The following MAP3K2 variants were observed in gnomAD, a reference collection of about 807,000 sequenced individuals.
MAP3K2 encodes MAP/ERK kinase kinase 2.
Under a neutral mutation model 80.3 loss-of-function variants are expected in MAP3K2, and 24 were observed. That is an observed-to-expected ratio of 0.30 (90% CI 0.22 to 0.42). The LOEUF is 0.42. MAP3K2 is among the 10% of genes least tolerant of loss of function. The pLI, the probability that MAP3K2 is intolerant of heterozygous loss-of-function variation, is 1.00. For missense variants in MAP3K2, 608 were observed against 750.1 expected (o/e 0.81, Z 2.21); for synonymous variants, 244 against 253.7 (o/e 0.96, Z 0.36).
chr2:127,318,458 A>T, intron 12 of MAP3K2, 141 bp from the exon 13 acceptor site: 1 of 572,548 alleles, frequency 1.7e-6, no homozygotes, highest in Non-Finnish European at 2.6e-6. Flanking sequence ...ATCCAAATTC[A>T]CAGTTACCGT....
At chr2:127,349,600 C>T (rs62157555) in intron 1 of MAP3K2, among the ~76,000 whole-genome samples, 53,523 of 151,992 alleles carry the variant, frequency 0.35, 10,242 homozygotes, top group East Asian at 0.62. Context: ...CTAGTCTAAA[C>T]ATCTTATTTT....
At chr2:127,352,489 C>G (rs1686708685) in intron 1 of MAP3K2, among the ~76,000 whole-genome samples, 1 of 152,124 alleles carries the variant, frequency 6.6e-6, no homozygotes. Flanking sequence ...TCTTGCACTA[C>G]TACTCTTTTC....
intron 1 of MAP3K2, among the ~76,000 whole-genome samples, chr2:127,365,043 G>GGAGGCAGAGGTTGCAAT (rs58235016): frequency 0.12 from 16,799 of 140,486 alleles, 1,174 homozygotes; most frequent in African/African-American, 0.2. Context: ...TTTGAGCCCA[G>GGAGGCAGAGGTTGCAAT]GAGGCAGAGG....
At chr2:127,342,808 T>C (rs1000492526) in intron 2 of MAP3K2, among the ~76,000 whole-genome samples, 1 of 152,188 alleles carries the variant, frequency 6.6e-6, no homozygotes, top group Non-Finnish European at 1.5e-5. Context: ...GCACCAATGA[T>C]TTGCTGCTCT....
chr2:127,311,886 CT>C (rs1310387733), intron 15 of MAP3K2, among the ~76,000 whole-genome samples: 7 of 152,090 alleles, frequency 4.6e-5, no homozygotes, highest in Non-Finnish European at 1.0e-4. Flanking sequence ...CTCCAATCTC[CT>C]TTTCTTTTTT....
At position 127,335,938 on chromosome 2, in the gene MAP3K2, C is replaced by G; in HGVS notation, c.196G>C (p.Glu66Gln). 6.4e-7 allele frequency: 1 copy of G among 1,570,868 alleles called. No homozygotes were observed. The highest frequency in any genetic ancestry group is 8.7e-7 in the Non-Finnish European group (1 of 1,154,700). The change falls in exon 5 of 17, where the codon GAA (glutamate) becomes CAA (glutamine). Residue 66 changes from glutamate to glutamine, a missense_variant. Transcript: ENST00000682094. ...ATTTTAGCTTTAGATCTCAGATCTT[C>G]CAGTTTAACTGGTCTGGGGAACTGA... The part of the protein sequence containing the change: ...ILQFPRPVKL[E>Q]DLRSKAKIAF...
At chr2:127,334,973 T>G (rs1686336673) in intron 5 of MAP3K2, among the ~76,000 whole-genome samples, 1 of 152,070 alleles carries the variant, frequency 6.6e-6, no homozygotes, top group Non-Finnish European at 1.5e-5. Context: ...GTTTTACCAC[T>G]TGGCCAGAAT....
chr2:127,347,727 G>A (rs1283064751), intron 1 of MAP3K2, among the ~76,000 whole-genome samples: 2 of 152,034 alleles, frequency 1.3e-5, no homozygotes, highest in African/African-American at 4.8e-5. Flanking sequence ...TAGCAGAAAC[G>A]GAAAACTGAT....
intron 1 of MAP3K2, among the ~76,000 whole-genome samples, chr2:127,380,520 A>G (rs892880469): frequency 6.6e-6 from 1 of 152,210 alleles, no homozygotes; most frequent in Non-Finnish European, 1.5e-5. Context: ...ACCACTTGTA[A>G]GAAAACCAGT....
In MAP3K2 at chr2:127,364,335, G is replaced by A. The variant is rs938769905; in HGVS notation, c.-65-21141C>T. On this transcript the variant is annotated intron_variant, in intron 1 of 16. Transcript: ENST00000682094. This position sits in a 1 kb window ranked among gnomAD's most constrained non-coding sequence, Gnocchi z 4.1. The stretch of plus-strand genomic sequence containing the variant: ...GTCAATAGGTTCTGAGTTATACTAC[G>A]AAGTGTTCCATATGCCTTATTGATA... Among the ~76,000 whole-genome samples, 1 of 152,266 alleles carries A rather than the reference G, an allele frequency of 6.6e-6. No homozygotes were observed. The highest frequency in any genetic ancestry group is 2.1e-4 in the South Asian group (1 of 4,824).
In MAP3K2 at chr2:127,321,664, GC is replaced by G. The variant is rs2104820846; in HGVS notation, c.1045+381del. Among the ~76,000 whole-genome samples, 1 of 152,212 alleles carries G rather than the reference GC, an allele frequency of 6.6e-6. No homozygotes were observed. Among genetic ancestry groups the G allele is most frequent in the Admixed American group, 6.5e-5 (1 of 15,294 alleles). On this transcript the variant is annotated intron_variant, in intron 12 of 16. Coordinates refer to ENST00000682094, the MANE Select transcript of MAP3K2 (RefSeq NM_001371910.2). The surrounding 1 kb of genome is among the most constrained non-coding windows in gnomAD (Gnocchi z 4.4). ...TGGCCTCTTGCACATTATCTCCTCA[GC>G]TGGTGATTTCTACTCACATTTAAAT...
Position 127,355,658 on chromosome 2 carries a change from G to A in MAP3K2, c.-65-12464C>T, listed in dbSNP as rs1285274259. Among the ~76,000 whole-genome samples the A allele has an allele frequency of 2.0e-5, 3 of 152,120 alleles. No homozygotes were observed. In the East Asian group the frequency reaches 5.8e-4, roughly 29 times the overall value. ...GATAAGGGTGGTGGTGGTTGCTGAA[G>A]GTTGGGGTGACTAGGGCAATTTCTT... On this transcript the variant is annotated intron_variant, in intron 1 of 16. Coordinates refer to ENST00000682094, the MANE Select transcript of MAP3K2 (RefSeq NM_001371910.2).
rs781356605 is a variant in MAP3K2 at position 127,314,837 on chromosome 2, T to G, written c.1373A>C (p.Asn458Thr). 3.1e-6 allele frequency: 5 copies of G among 1,611,560 alleles called. No homozygotes were observed. Among genetic ancestry groups the G allele is most frequent in the South Asian group, 1.1e-5 (1 of 90,960 alleles). ...CTGACGGGTGTATTTCCTAGTCACA[T>G]TCTCAGTAAGAGCGCCATATGCTTT... The part of the protein sequence containing the change: ...QLKAYGALTE[N>T]VTRKYTRQIL... Residue 458 changes from asparagine to threonine, a missense_variant, in exon 15 of 17, where the codon AAT becomes ACT. Coordinates refer to ENST00000682094, the MANE Select transcript of MAP3K2 (RefSeq NM_001371910.2).
intron 1 of MAP3K2, among the ~76,000 whole-genome samples, chr2:127,368,478 C>A (rs59378658): frequency 0.24 from 36,735 of 151,684 alleles, 4,671 homozygotes; most frequent in Middle Eastern, 0.3. Flanking sequence ...AAAAATTAGC[C>A]GGGTGTGGTG....
chr2:127,368,659 A>G (rs1687012645), intron 1 of MAP3K2, among the ~76,000 whole-genome samples: 1 of 152,176 alleles, frequency 6.6e-6, no homozygotes, highest in Admixed American at 6.5e-5. Context: ...AAAAAGGCAA[A>G]GTATTTACAT....
intron 12 of MAP3K2, among the ~76,000 whole-genome samples, chr2:127,319,908 A>G (rs1478578441): frequency 6.6e-6 from 1 of 151,956 alleles, no homozygotes. Context: ...AAACCAGCAC[A>G]AGGTAATTAG....
At chr2:127,332,663 A>G (rs1375010515) in intron 5 of MAP3K2, among the ~76,000 whole-genome samples, 3 of 152,250 alleles carry the variant, frequency 2.0e-5, no homozygotes, top group Non-Finnish European at 2.9e-5. Context: ...AGTCTCATTC[A>G]TGAAATCTAT....
intron 1 of MAP3K2, among the ~76,000 whole-genome samples, chr2:127,363,325 T>C (rs573642025): frequency 6.6e-6 from 1 of 152,340 alleles, no homozygotes; most frequent in African/African-American, 2.4e-5. Flanking sequence ...ATTTTAAAAA[T>C]GATAAAATGC....
rs112258306 is a variant in MAP3K2 at position 127,377,177 on chromosome 2, G to A, written c.-66+10275C>T. Among the ~76,000 whole-genome samples, 507 of 152,092 alleles carry A rather than the reference G, an allele frequency of 3.3e-3. 2 individuals carry two copies. Among genetic ancestry groups the A allele is most frequent in the African/African-American group, 0.011 (474 of 41,480 alleles). On this transcript the variant is annotated intron_variant, in intron 1 of 16. Coordinates refer to ENST00000682094, the MANE Select transcript of MAP3K2 (RefSeq NM_001371910.2). ...ACTCTCCCATATTACTTCTCTTAGA[G>A]ATCAGAAAAATGAACCCACTTCCCA...
Sources: gnomAD v4.1 joint callset for allele counts (sites outside exome capture counted in the v4.1 genomes callset) on GRCh38, gnomAD v4.1.1 for gene constraint, Gnocchi (gnomAD v3.1) non-coding constraint, MANE v1.5 for transcripts, NCBI Gene and HGNC (gene_info 2026-07-23, HGNC 2026-07-21) for gene names.